The following ASPRV1 variants were observed in gnomAD, a reference collection of about 807,000 sequenced individuals.
The protein encoded by ASPRV1 is aspartic peptidase retroviral like 1.
In ASPRV1, 7 loss-of-function variants were observed where a neutral mutation model predicts 11.0. The observed-to-expected ratio is 0.64, with a 90% CI of 0.36 to 1.20. The LOEUF is 1.20. ASPRV1 is among the 50% of genes most tolerant of loss of function. The pLI is 0.02. For synonymous variants in ASPRV1, 136 were observed against 138.4 expected (o/e 0.98, Z 0.12); for missense variants, 299 against 320.0 (o/e 0.93, Z 0.50).
At chr2:69,937,205 G>T in the ASPRV1 span, 4 of 1,610,880 alleles carry the variant, frequency 2.5e-6, no homozygotes, top group Non-Finnish European at 3.4e-6. Context: ...TCTCCCTGTG[G>T]GGCCCAACAA....
the ASPRV1 span, among the ~76,000 whole-genome samples, chr2:70,033,410 T>G: frequency 6.6e-6 from 1 of 152,058 alleles, no homozygotes; most frequent in Admixed American, 6.6e-5. Context: ...GGCCCCTTTA[T>G]CCTCTTCAAA....
the ASPRV1 span, among the ~76,000 whole-genome samples, chr2:69,980,111 G>A: frequency 6.1e-3 from 934 of 152,300 alleles, 10 homozygotes; most frequent in African/African-American, 0.021. Flanking sequence ...CAGGGAGCAC[G>A]TGGGCAGCCT....
the ASPRV1 span, chr2:69,935,266 C>T: frequency 1.1e-6 from 1 of 952,018 alleles, no homozygotes; most frequent in South Asian, 1.3e-5. Context: ...TGGGCAACTT[C>T]ACACTCTTTG....
chr2:70,082,166 G>C, the ASPRV1 span, among the ~76,000 whole-genome samples: 1 of 151,846 alleles, frequency 6.6e-6, no homozygotes, highest in Non-Finnish European at 1.5e-5. Context: ...TGTATTTTTA[G>C]TAGAGACACA....
the ASPRV1 span, among the ~76,000 whole-genome samples, chr2:70,058,151 G>A: frequency 6.6e-6 from 1 of 152,170 alleles, no homozygotes; most frequent in Non-Finnish European, 1.5e-5. Flanking sequence ...ATATGATCAA[G>A]GAAATACATG....
chr2:69,996,190 CA>C, the ASPRV1 span, among the ~76,000 whole-genome samples: 1 of 93,152 alleles, frequency 1.1e-5, no homozygotes, highest in Non-Finnish European at 2.0e-5. Context: ...CCAGCCTGGG[CA>C]ATATAGGGAG....
the ASPRV1 span, among the ~76,000 whole-genome samples, chr2:70,063,097 C>T: frequency 6.6e-6 from 1 of 152,118 alleles, no homozygotes; most frequent in African/African-American, 2.4e-5. Context: ...CAGAACACAC[C>T]GTTCCTCAGT....
the ASPRV1 span, chr2:69,938,270 T>C: frequency 4.3e-6 from 7 of 1,614,076 alleles, no homozygotes; most frequent in Non-Finnish European, 5.9e-6. Context: ...TCACAAGGCG[T>C]GTCTTGGTCT....
the ASPRV1 span, among the ~76,000 whole-genome samples, chr2:70,039,403 T>G: frequency 6.6e-6 from 1 of 152,134 alleles, no homozygotes; most frequent in Non-Finnish European, 1.5e-5. Context: ...TCCTGGGAAT[T>G]TGAAGAAATC....
chr2:70,054,617 G>A, the ASPRV1 span, among the ~76,000 whole-genome samples: 2 of 151,326 alleles, frequency 1.3e-5, no homozygotes, highest in Non-Finnish European at 1.5e-5. Flanking sequence ...AAAATAATAA[G>A]AGGGCTCCAG....
chr2:70,087,299 G>C, the ASPRV1 span: 2 of 151,822 alleles, frequency 1.3e-5, no homozygotes, highest in African/African-American at 2.4e-5. Context: ...CCCATCGTGC[G>C]CTTCATTTTC....
At chr2:70,071,472 T>G in the ASPRV1 span, 1 of 152,286 alleles carries the variant, frequency 6.6e-6, no homozygotes. Context: ...CCGGGCACAG[T>G]GCCTCACGCC....
At chr2:70,046,928 T>G in the ASPRV1 span, 1 of 152,220 alleles carries the variant, frequency 6.6e-6, no homozygotes, top group Non-Finnish European at 1.5e-5. Flanking sequence ...TATACTTGTT[T>G]TGCATTTACG....
the ASPRV1 span, among the ~76,000 whole-genome samples, chr2:69,971,786 T>C: frequency 6.6e-6 from 1 of 152,146 alleles, no homozygotes; most frequent in Non-Finnish European, 1.5e-5. Context: ...TTGCATCATC[T>C]GGGGGAGCTT....
At chr2:69,978,413 C>T in the ASPRV1 span, among the ~76,000 whole-genome samples, 22 of 152,320 alleles carry the variant, frequency 1.4e-4, no homozygotes, top group Non-Finnish European at 2.5e-4. Flanking sequence ...CACTGCCTCA[C>T]CCACTAGGCC....
At chr2:69,943,591 G>T in the ASPRV1 span, among the ~76,000 whole-genome samples, 1 of 152,208 alleles carries the variant, frequency 6.6e-6, no homozygotes. Context: ...GGCATTGGCT[G>T]AGGATGTCCG....
At chr2:70,042,257 C>T in the ASPRV1 span, among the ~76,000 whole-genome samples, 1 of 152,132 alleles carries the variant, frequency 6.6e-6, no homozygotes, top group African/African-American at 2.4e-5. Flanking sequence ...AGCTAAGAGC[C>T]TTGTTCCAGA....
At chr2:70,049,835 T>A in the ASPRV1 span, 1 of 152,232 alleles carries the variant, frequency 6.6e-6, no homozygotes, top group Non-Finnish European at 1.5e-5. Context: ...ATCCAAACAT[T>A]AAATCCATTC....
the ASPRV1 span, among the ~76,000 whole-genome samples, chr2:69,949,354 G>C: frequency 1.3e-5 from 2 of 152,162 alleles, no homozygotes; most frequent in Admixed American, 1.3e-4. Context: ...TCAGAGCTAA[G>C]GCAGGACAAG....
Sources: allele counts gnomAD v4.1 joint callset (sites outside exome capture counted in the v4.1 genomes callset), GRCh38; gene constraint gnomAD v4.1.1; transcripts MANE v1.5; gene names NCBI Gene and HGNC (gene_info 2026-07-23, HGNC 2026-07-21).